PPP2R3C: variants seen among roughly 807,000 people sequenced by gnomAD.
PPP2R3C encodes the protein protein phosphatase 2 regulatory subunit B''gamma, also known as serine/threonine-protein phosphatase 2A regulatory subunit B'' subunit gamma.
PPP2R3C carries 47 observed loss-of-function variants against 63.7 expected under a neutral mutation model. The ratio of observed to expected loss-of-function variants is 0.74; its 90% CI spans 0.58 to 0.94. The LOEUF (loss-of-function observed/expected upper bound fraction) is 0.94, where lower values mean the gene tolerates loss of function less well. PPP2R3C is among the 40% of genes least tolerant of loss of function. The probability of loss-of-function intolerance (pLI) is 0.00; values close to 1 mark genes in which losing one functional copy is unlikely to be tolerated. For missense variants in PPP2R3C, 421 were observed against 518.4 expected, an observed-to-expected ratio of 0.81 and a Z score of 1.82; for synonymous variants, 180 against 177.4, an observed-to-expected ratio of 1.01 and a Z score of -0.12.
chr14:35,121,857 T>G (rs2046911943), intron 1 of PPP2R3C, 45 bp downstream of exon 1: 2 of 1,605,206 alleles, frequency 1.2e-6, no homozygotes, highest in Non-Finnish European at 1.7e-6. Context: ...CCTCTAGGAG[T>G]TTAGGGCCGG....
At chr14:35,106,038 G>A (rs954723164) in intron 6 of PPP2R3C, among the ~76,000 whole-genome samples, 2 of 151,842 alleles carry the variant, frequency 1.3e-5, no homozygotes, top group African/African-American at 4.8e-5. Flanking sequence ...GTAGAGATGG[G>A]GTTTCACCGT....
chr14:35,121,766 C>T (rs545784655), intron 1 of PPP2R3C, 136 bp downstream of exon 1: 22 of 967,364 alleles, frequency 2.3e-5, no homozygotes, highest in Non-Finnish European at 3.0e-5. Flanking sequence ...AACCACATTC[C>T]ACTCCGCCTC....
chr14:35,091,521 C>G (rs2045818116), intron 10 of PPP2R3C, among the ~76,000 whole-genome samples: 1 of 151,904 alleles, frequency 6.6e-6, no homozygotes, highest in Admixed American at 6.6e-5. Flanking sequence ...GCATGTGCCA[C>G]CATGCCTGGC....
intron 5 of PPP2R3C, chr14:35,107,800 G>A (rs1359067145): frequency 5.9e-6 from 2 of 337,426 alleles, no homozygotes; most frequent in East Asian, 4.4e-5. Context: ...TGATATTACA[G>A]CTTTGGGTTT....
At chr14:35,097,040 C>A (rs190389688) in intron 7 of PPP2R3C, among the ~76,000 whole-genome samples, 4 of 151,980 alleles carry the variant, frequency 2.6e-5, no homozygotes, top group Admixed American at 1.3e-4. Flanking sequence ...ATGGTGAAAC[C>A]CCATCTCTAC....
At chr14:35,099,097 GT>G in intron 7 of PPP2R3C, 154 bp downstream of exon 7, 1 of 1,032,928 alleles carries the variant, frequency 9.7e-7, no homozygotes, top group Non-Finnish European at 1.3e-6. Context: ...TACTGCTACT[GT>G]TTTTTCTACC....
chr14:35,096,859 A>T (rs2138636363), intron 7 of PPP2R3C, 95 bp from the exon 8 acceptor site: 1 of 1,135,190 alleles, frequency 8.8e-7, no homozygotes, highest in South Asian at 1.7e-5. Flanking sequence ...GCAATCACAC[A>T]ATTGATATTT....
At chr14:35,098,502 G>A (rs765572165) in intron 7 of PPP2R3C, among the ~76,000 whole-genome samples, 12 of 151,364 alleles carry the variant, frequency 7.9e-5, no homozygotes, top group East Asian at 1.9e-4. Context: ...GTGAGCCACC[G>A]TGTCCAGCCA....
chr14:35,087,331 C>A (rs770751079), intron 12 of PPP2R3C: 5 of 152,112 alleles, frequency 3.3e-5, no homozygotes, highest in Non-Finnish European at 7.4e-5. Flanking sequence ...AAAACAGTTT[C>A]CAAGGTAAAA....
chr14:35,097,544 G>T (rs1253757747), intron 7 of PPP2R3C, among the ~76,000 whole-genome samples: 5 of 147,994 alleles, frequency 3.4e-5, no homozygotes, highest in African/African-American at 1.2e-4. Flanking sequence ...GTGCAATGGT[G>T]TGATTTCAGC....
chr14:35,108,044 A>T, intron 5 of PPP2R3C, 95 bp downstream of exon 5: 2 of 1,465,042 alleles, frequency 1.4e-6, no homozygotes, highest in African/African-American at 1.4e-5. Flanking sequence ...TCAAACTTAG[A>T]GTGATTTCAC....
chr14:35,106,663 A>ATT (rs35661935), intron 6 of PPP2R3C, among the ~76,000 whole-genome samples: 8 of 100,394 alleles, frequency 8.0e-5, no homozygotes, highest in East Asian at 3.0e-4. Flanking sequence ...CAGCCAATAC[A>ATT]TTTTTTTTTT....
intron 6 of PPP2R3C, among the ~76,000 whole-genome samples, chr14:35,103,253 A>G (rs1172940250): frequency 6.6e-6 from 1 of 152,164 alleles, no homozygotes; most frequent in African/African-American, 2.4e-5. Flanking sequence ...ATTTTCTGTT[A>G]CTATAGTCCT....
intron 1 of PPP2R3C, among the ~76,000 whole-genome samples, chr14:35,117,851 C>T (rs576031753): frequency 3.3e-5 from 5 of 152,092 alleles, no homozygotes; most frequent in Admixed American, 6.6e-5. Context: ...TGTGCCACCA[C>T]GCCTGGCTAA....
rs772951066 is a variant in PPP2R3C at position 35,095,003 on chromosome 14, G to A, written c.975+45C>T. 9 of 1,551,056 alleles carry A rather than the reference G, an allele frequency of 5.8e-6. No homozygotes were observed. In the African/African-American group the frequency reaches 1.2e-4, roughly 21 times the overall value. ...CAAGAAAAGGGTTTGTGGAAACTCTGGGAGCCTAAACTTTTAAAACTTAGC... is the reference window on the plus strand; with the variant it reads ...CAAGAAAAGGGTTTGTGGAAACTCTAGGAGCCTAAACTTTTAAAACTTAGC... On this transcript the variant is annotated intron_variant, in intron 10 of 12. Transcript: ENST00000261475.
chr14:35,097,263 T>A (rs1004087190), intron 7 of PPP2R3C, among the ~76,000 whole-genome samples: 1 of 151,910 alleles, frequency 6.6e-6, no homozygotes, highest in Non-Finnish European at 1.5e-5. Flanking sequence ...TTTAATAACA[T>A]CTCTACTTGT....
At chr14:35,103,675 A>G (rs1334391336) in intron 6 of PPP2R3C, among the ~76,000 whole-genome samples, 5 of 152,164 alleles carry the variant, frequency 3.3e-5, no homozygotes, top group Non-Finnish European at 7.3e-5. Context: ...TGGGCAAGAA[A>G]ACAAAAAAAA....
intron 12 of PPP2R3C, chr14:35,087,658 C>CCAA: frequency 3.2e-6 from 1 of 309,756 alleles, no homozygotes; most frequent in South Asian, 3.6e-5. Context: ...CCTCAGCCTC[C>CCAA]CAACGTGCTG....
chr14:35,109,596 T>A (rs1357756812), intron 4 of PPP2R3C, among the ~76,000 whole-genome samples: 2 of 151,322 alleles, frequency 1.3e-5, no homozygotes, highest in African/African-American at 4.9e-5. Context: ...GCCTCCGGAG[T>A]AGCTACAGGT....
Sources: gnomAD v4.1 joint callset for allele counts (sites outside exome capture counted in the v4.1 genomes callset) on GRCh38, gnomAD v4.1.1 for gene constraint, MANE v1.5 for transcripts, NCBI Gene and HGNC (gene_info 2026-07-23, HGNC 2026-07-21) for gene names.